The following ELAVL2 variants were observed in gnomAD, a reference collection of about 807,000 sequenced individuals.
The protein encoded by ELAVL2 is ELAV like RNA binding protein 2.
A neutral mutation model predicts 34.6 loss-of-function variants in ELAVL2; 4 were observed. The observed-to-expected ratio is 0.12, with a 90% confidence interval of 0.06 to 0.26. The LOEUF (loss-of-function observed/expected upper bound fraction) is 0.26, where lower values mean the gene tolerates loss of function less well. Among genes scored for constraint, ELAVL2 ranks in the 10% least tolerant of loss-of-function variants. The probability of loss-of-function intolerance (pLI) is 1.00; values close to 1 mark genes in which losing one functional copy is unlikely to be tolerated. For synonymous variants in ELAVL2, 193 were observed against 154.8 expected (o/e 1.25, Z -1.83); for missense variants, 432 against 442.8 (o/e 0.98, Z 0.22).
At chr9:23,702,485 T>C (rs1012156471) in intron 4 of ELAVL2, among the ~76,000 whole-genome samples, 1 of 151,752 alleles carries the variant, frequency 6.6e-6, no homozygotes, top group Non-Finnish European at 1.5e-5. Context: ...GTGAACAGGC[T>C]AGTGGGGTGA....
intron 3 of ELAVL2, among the ~76,000 whole-genome samples, chr9:23,708,009 A>G (rs1322496158): frequency 1.3e-5 from 2 of 152,072 alleles, no homozygotes; most frequent in African/African-American, 4.8e-5. Flanking sequence ...TAATGCTTAT[A>G]TAAAGGCTTT....
intron 1 of ELAVL2, among the ~76,000 whole-genome samples, chr9:23,777,170 C>T (rs186527788): frequency 6.6e-6 from 1 of 152,292 alleles, no homozygotes; most frequent in Non-Finnish European, 1.5e-5. Flanking sequence ...GCAATATAGT[C>T]TACAGCAGTT....
intron 1 of ELAVL2, among the ~76,000 whole-genome samples, chr9:23,769,650 G>C (rs1476648025): frequency 1.3e-5 from 2 of 152,194 alleles, no homozygotes; most frequent in Non-Finnish European, 2.9e-5. Context: ...TACCATGTTA[G>C]CTGTCTCACT....
Position 23,771,998 on chromosome 9 carries a change from A to T in ELAVL2, c.-15-9749T>A, listed in dbSNP as rs2057383749. ...TTCCATGCCATTATTTGGCAATAGA[A>T]TCTAAAAAGGGATATGAGTACAACA... On this transcript the variant is annotated intron_variant, in intron 1 of 6. Transcript: ENST00000397312. Among the ~76,000 whole-genome samples, 5 of 152,192 alleles carry T rather than the reference A, an allele frequency of 3.3e-5. No homozygotes were observed. In the South Asian group the frequency reaches 1.0e-3, roughly 31 times the overall value.
chr9:23,754,007 G>A (rs2052861387), intron 2 of ELAVL2, among the ~76,000 whole-genome samples: 2 of 152,060 alleles, frequency 1.3e-5, no homozygotes, highest in African/African-American at 2.4e-5. Flanking sequence ...AAGTTCCTCT[G>A]ATAAGGGCTA....
intron 2 of ELAVL2, among the ~76,000 whole-genome samples, chr9:23,748,677 T>C (rs1051383672): frequency 1.2e-4 from 18 of 152,186 alleles, no homozygotes; most frequent in Middle Eastern, 3.2e-3. Flanking sequence ...AAATTCAGTA[T>C]TTTAATTGGA....
chr9:23,769,155 G>A (rs1187837024), intron 1 of ELAVL2, among the ~76,000 whole-genome samples: 3 of 152,084 alleles, frequency 2.0e-5, no homozygotes, highest in Non-Finnish European at 1.5e-5. Context: ...AGTTACAGAT[G>A]AACAGAAGAC....
intron 2 of ELAVL2, among the ~76,000 whole-genome samples, chr9:23,733,912 T>C (rs566099216): frequency 3.9e-5 from 6 of 152,266 alleles, no homozygotes; most frequent in African/African-American, 1.2e-4. Context: ...ACTAGCTATA[T>C]GAGTCAGTCA....
At chr9:23,850,194 G>GC in the ELAVL2 span, among the ~76,000 whole-genome samples, 1 of 151,688 alleles carries the variant, frequency 6.6e-6, no homozygotes, top group Non-Finnish European at 1.5e-5. Context: ...GATCCAAGCC[G>GC]CCTTTTGACC....
intron 2 of ELAVL2, among the ~76,000 whole-genome samples, chr9:23,749,830 G>A (rs2051439838): frequency 1.3e-5 from 2 of 151,932 alleles, no homozygotes. Context: ...ATGTGTGGTG[G>A]GATCTGGCCT....
At chr9:23,816,220 G>A (rs1249787439) in intron 1 of ELAVL2, among the ~76,000 whole-genome samples, 3 of 137,942 alleles carry the variant, frequency 2.2e-5, no homozygotes, top group Admixed American at 8.0e-5. Context: ...TGACTCTAAA[G>A]AAATGCAGGA....
In ELAVL2 at chr9:23,748,590, G is replaced by C. The variant is rs77288834; in HGVS notation, c.229+13416C>G. Among the ~76,000 whole-genome samples the C allele has an allele frequency of 3.7e-3, 556 of 152,232 alleles. 17 individuals carry two copies. The East Asian group carries it at 0.062, about 17-fold the overall frequency. On this transcript the variant is annotated intron_variant, in intron 2 of 6. Coordinates refer to ENST00000397312, the MANE Select transcript of ELAVL2 (RefSeq NM_004432.5). Reference sequence around the variant, plus strand: ...ATTTTCAAAAGAATAAAACAAGCTTGAAACCAGGCAGAACAACTGCAAAGG... The same window carrying C: ...ATTTTCAAAAGAATAAAACAAGCTTCAAACCAGGCAGAACAACTGCAAAGG...
chr9:23,815,279 T>C (rs1190925114), intron 1 of ELAVL2, among the ~76,000 whole-genome samples: 2 of 152,272 alleles, frequency 1.3e-5, no homozygotes, highest in African/African-American at 2.4e-5. Flanking sequence ...CAGTCTCATA[T>C]GTAATCTTTT....
intron 1 of ELAVL2, among the ~76,000 whole-genome samples, chr9:23,784,579 A>G (rs890777407): frequency 6.6e-6 from 1 of 152,186 alleles, no homozygotes; most frequent in Non-Finnish European, 1.5e-5. Flanking sequence ...ATTACATCCA[A>G]TATGTGGAAC....
chr9:23,766,466 C>T (rs1367738772), intron 1 of ELAVL2, among the ~76,000 whole-genome samples: 1 of 152,110 alleles, frequency 6.6e-6, no homozygotes, highest in Non-Finnish European at 1.5e-5. Flanking sequence ...GGAGTTCAAT[C>T]TAAACATTGC....
In ELAVL2 at chr9:23,724,361, T is replaced by C. The variant is rs559908180; in HGVS notation, c.333+6661A>G. 3.9e-5 allele frequency among the ~76,000 whole-genome samples: 6 copies of C among 152,266 alleles called. No homozygotes were observed. The East Asian group carries it at 1.2e-3, about 29-fold the overall frequency. ...AATCCATTGGAAGAATGCCTAGTTA[T>C]TGCCCTTTGAGAATTCCAATTAACT... On this transcript the variant is annotated intron_variant, in intron 3 of 6. Coordinates refer to ENST00000397312, the MANE Select transcript of ELAVL2 (RefSeq NM_004432.5).
intron 3 of ELAVL2, among the ~76,000 whole-genome samples, chr9:23,720,883 C>T (rs1349807076): frequency 6.6e-6 from 1 of 152,186 alleles, no homozygotes; most frequent in East Asian, 1.9e-4. Context: ...TCTCTCTCTG[C>T]AGATAATCAG....
chr9:23,834,063 T>G, the ELAVL2 span, among the ~76,000 whole-genome samples: 1 of 151,958 alleles, frequency 6.6e-6, no homozygotes, highest in South Asian at 2.1e-4. Context: ...GCCTAGCATG[T>G]GCCAGAATAA....
intron 2 of ELAVL2, among the ~76,000 whole-genome samples, chr9:23,758,474 T>C (rs1352628572): frequency 6.6e-6 from 1 of 152,158 alleles, no homozygotes; most frequent in Non-Finnish European, 1.5e-5. Flanking sequence ...ATTACAAATA[T>C]GTCAGTGGTC....
Sources: gnomAD v4.1 joint callset for allele counts (sites outside exome capture counted in the v4.1 genomes callset) on GRCh38, gnomAD v4.1.1 for gene constraint, MANE v1.5 for transcripts, NCBI Gene and HGNC (gene_info 2026-07-23, HGNC 2026-07-21) for gene names.